The following ALOX5 variants were observed in gnomAD, a reference collection of about 807,000 sequenced individuals.
The protein encoded by ALOX5 is arachidonate 5-lipoxygenase.
ALOX5 carries 64 observed loss-of-function variants against 87.9 expected under a neutral mutation model. The ratio of observed to expected loss-of-function variants is 0.73; its 90% confidence interval spans 0.60 to 0.90. The LOEUF (loss-of-function observed/expected upper bound fraction) is 0.90. Ranked by LOEUF, ALOX5 falls within the 40% of genes least tolerant of loss-of-function variation. The pLI, the probability that ALOX5 is intolerant of heterozygous loss-of-function variation, is 0.00. For synonymous variants in ALOX5, 388 were observed against 355.1 expected, an observed-to-expected ratio of 1.09 and a Z score of -1.04; for missense variants, 822 against 907.5, an observed-to-expected ratio of 0.91 and a Z score of 1.21.
intron 4 of ALOX5, among the ~76,000 whole-genome samples, chr10:45,420,633 T>A (rs1050533557): frequency 2.6e-5 from 4 of 152,254 alleles, no homozygotes; most frequent in African/African-American, 9.6e-5. Context: ...AACCTCTGGC[T>A]GGCGACAGCT....
At chr10:45,412,437 C>T (rs1841099767) in intron 4 of ALOX5, 124 bp downstream of exon 4, 2 of 1,299,344 alleles carry the variant, frequency 1.5e-6, no homozygotes, top group South Asian at 1.4e-5. Flanking sequence ...GAGCCAAACG[C>T]TTTGATGATA....
chr10:45,439,440 A>G (rs141822774), intron 7 of ALOX5, among the ~76,000 whole-genome samples: 1 of 152,252 alleles, frequency 6.6e-6, no homozygotes, highest in Non-Finnish European at 1.5e-5. Context: ...CAGCCCTGCC[A>G]CCCACCTCAT....
At position 45,435,331 on chromosome 10, in the gene ALOX5, G is replaced by T. The variant is rs139273744; in HGVS notation, c.982-5099G>T. ...TGCAGGTTTGTTACATGGTTATATT[G>T]CATAATGCTGGGGTTAGGCTTCTAT... On this transcript the variant is annotated intron_variant, in intron 7 of 13. Transcript: ENST00000374391. Among the ~76,000 whole-genome samples, 255 of 151,130 alleles carry T rather than the reference G, an allele frequency of 1.7e-3. 3 individuals carry two copies. Among genetic ancestry groups the T allele is most frequent in the African/African-American group, 5.1e-3 (210 of 41,102 alleles).
At chr10:45,409,724 ATTCC>A in intron 3 of ALOX5, among the ~76,000 whole-genome samples, 1 of 151,900 alleles carries the variant, frequency 6.6e-6, no homozygotes, top group Non-Finnish European at 1.5e-5. Context: ...ATGGAGTGGG[ATTCC>A]ATCTCCACCA....
intron 2 of ALOX5, among the ~76,000 whole-genome samples, 165 bp downstream of exon 2, chr10:45,382,846 T>C (rs908651341): frequency 6.6e-6 from 1 of 152,230 alleles, no homozygotes; most frequent in African/African-American, 2.4e-5. Context: ...ATGACTTTCC[T>C]TGGGATTCTT....
Position 45,440,522 on chromosome 10 carries a change from T to C in ALOX5, c.1074T>C (p.Ser358=). 1 of 1,614,200 alleles carries C rather than the reference T, an allele frequency of 6.2e-7. No individual in the cohort carries two copies. The highest frequency in any genetic ancestry group is 8.5e-7 in the Non-Finnish European group (1 of 1,180,026). Residue 358 remains serine, a synonymous_variant, in exon 8 of 14, where the codon AGT becomes AGC. Coordinates refer to ENST00000374391, the MANE Select transcript of ALOX5 (RefSeq NM_000698.5). ...TGGCCAAAATCTGGGTGCGTTCCAG[T>C]GACTTCCACGTCCACCAGACCATCA... ...WLLAKIWVRS[S]DFHVHQTITH...
intron 7 of ALOX5, among the ~76,000 whole-genome samples, chr10:45,432,572 G>T (rs551487163): frequency 6.6e-6 from 1 of 152,264 alleles, no homozygotes; most frequent in Admixed American, 6.5e-5. Context: ...TTATTTTAAT[G>T]ATGCTATCAC....
At chr10:45,398,489 A>T (rs549953472) in intron 3 of ALOX5, among the ~76,000 whole-genome samples, 1 of 152,342 alleles carries the variant, frequency 6.6e-6, no homozygotes, top group Non-Finnish European at 1.5e-5. Flanking sequence ...AAAGAAAAAT[A>T]GATAAAGTGA....
intron 7 of ALOX5, among the ~76,000 whole-genome samples, chr10:45,439,440 A>T (rs141822774): frequency 6.6e-6 from 1 of 152,134 alleles, no homozygotes; most frequent in Non-Finnish European, 1.5e-5. Flanking sequence ...CAGCCCTGCC[A>T]CCCACCTCAT....
At chr10:45,379,918 CGGT>C (rs1839769125) in intron 1 of ALOX5, among the ~76,000 whole-genome samples, 2 of 152,188 alleles carry the variant, frequency 1.3e-5, no homozygotes, top group African/African-American at 4.8e-5. Flanking sequence ...CCCCACTCCT[CGGT>C]GGGATCAGGA....
At chr10:45,392,956 A>T (rs1373331480) in intron 2 of ALOX5, among the ~76,000 whole-genome samples, 1 of 152,226 alleles carries the variant, frequency 6.6e-6, no homozygotes, top group East Asian at 1.9e-4. Context: ...TTGAGGCAAT[A>T]ATTAACAGCC....
Position 45,374,273 on chromosome 10 carries a change from C to G in ALOX5, c.-7C>G. ...TCCCGGCGCTCGCTGCTCCCGCGGC[C>G]CGCGCCATGCCCTCCTACACGGTCA... On this transcript the variant is annotated 5_prime_UTR_variant, in exon 1 of 14. Coordinates refer to ENST00000374391, the MANE Select transcript of ALOX5 (RefSeq NM_000698.5). 6.8e-7 allele frequency: 1 copy of G among 1,472,284 alleles called. No homozygotes were observed. Among genetic ancestry groups the G allele is most frequent in the Non-Finnish European group, 9.0e-7 (1 of 1,110,710 alleles). The allele number at this position is 1,472,284 out of a possible 1,614,324, so 91.2% of individuals were successfully genotyped here.
At chr10:45,441,492 T>C in intron 9 of ALOX5, 62 bp downstream of exon 9, 1 of 1,512,422 alleles carries the variant, frequency 6.6e-7, no homozygotes, top group Middle Eastern at 1.7e-4. Flanking sequence ...CTTCACTCCC[T>C]ATCTGAGATC....
At chr10:45,405,243 C>T (rs1386812159) in intron 3 of ALOX5, among the ~76,000 whole-genome samples, 1 of 152,096 alleles carries the variant, frequency 6.6e-6, no homozygotes, top group East Asian at 1.9e-4. Context: ...TAAGAAATAC[C>T]GACAAAAATC....
intron 7 of ALOX5, among the ~76,000 whole-genome samples, chr10:45,439,094 G>T (rs1842142689): frequency 6.6e-6 from 1 of 152,132 alleles, no homozygotes; most frequent in Non-Finnish European, 1.5e-5. Context: ...TTTTAGATTG[G>T]TTTCATGTTG....
Position 45,382,488 on chromosome 10 carries a change from T to C in ALOX5, c.156T>C (p.Asp52=). 1 of 1,614,196 alleles carries C rather than the reference T, an allele frequency of 6.2e-7. No homozygotes were observed. The highest frequency in any genetic ancestry group is 8.5e-7 in the Non-Finnish European group (1 of 1,180,032). The change falls in exon 2 of 14, where the codon GAT becomes GAC. Residue 52 remains aspartate, a synonymous_variant. Coordinates refer to ENST00000374391, the MANE Select transcript of ALOX5 (RefSeq NM_000698.5). ...TTGCCTGTTCTCCTTCCCAGGTGGA[T>C]TCATACGACGTGACTGTGGACGAGG... ...FYNDFERGAV[D]SYDVTVDEEL...
At chr10:45,389,514 C>T (rs1840130101) in intron 2 of ALOX5, among the ~76,000 whole-genome samples, 1 of 152,140 alleles carries the variant, frequency 6.6e-6, no homozygotes, top group South Asian at 2.1e-4. Context: ...ACCCTACAAG[C>T]CAGAAGAGAC....
In ALOX5 at chr10:45,425,169, C is replaced by T; in HGVS notation, c.834+37C>T. 4 of 1,595,048 alleles carry T rather than the reference C, an allele frequency of 2.5e-6. No individual in the cohort carries two copies. Among genetic ancestry groups the T allele is most frequent in the Non-Finnish European group, 3.4e-6 (4 of 1,169,286 alleles). On this transcript the variant is annotated intron_variant, in intron 6 of 13. Transcript: ENST00000374391. The surrounding 1 kb of genome is among the most constrained non-coding windows in gnomAD (Gnocchi z 4.4). The stretch of plus-strand genomic sequence containing the variant: ...TGGGCTGGGGAAGTGGCCAAGGTCA[C>T]AGTCTGTCAGGTGGAAGCCAGTTCC...
At chr10:45,420,521 A>G (rs1430455050) in intron 4 of ALOX5, among the ~76,000 whole-genome samples, 1 of 152,222 alleles carries the variant, frequency 6.6e-6, no homozygotes, top group African/African-American at 2.4e-5. Context: ...CCCTTGCTAA[A>G]ATCTGGATGG....
Sources: gnomAD v4.1 joint callset for allele counts (sites outside exome capture counted in the v4.1 genomes callset) on GRCh38, gnomAD v4.1.1 for gene constraint, Gnocchi (gnomAD v3.1) non-coding constraint, MANE v1.5 for transcripts, NCBI Gene and HGNC (gene_info 2026-07-23, HGNC 2026-07-21) for gene names.